DDC: variants seen among roughly 807,000 people sequenced by gnomAD.
DDC encodes aromatic-L-amino-acid decarboxylase.
In DDC, 43 loss-of-function variants were observed where a neutral mutation model predicts 60.0. That is an observed-to-expected ratio of 0.72 (90% CI 0.56 to 0.92). The LOEUF is 0.92. Ranked by LOEUF, DDC falls within the 40% of genes least tolerant of loss-of-function variation. The pLI is 0.00. For missense variants in DDC, 573 were observed against 620.2 expected (o/e 0.92, Z 0.81); for synonymous variants, 232 against 234.6 (o/e 0.99, Z 0.10).
At chr7:50,511,069 A>ACAC (rs2043561245) in intron 6 of DDC, among the ~76,000 whole-genome samples, 1 of 150,336 alleles carries the variant, frequency 6.7e-6, no homozygotes, top group Non-Finnish European at 1.5e-5. Context: ...ACACACACAC[A>ACAC]CACACACACA....
intron 9 of DDC, among the ~76,000 whole-genome samples, chr7:50,483,977 A>G (rs1406819971): frequency 6.6e-6 from 1 of 152,042 alleles, no homozygotes; most frequent in Non-Finnish European, 1.5e-5. Context: ...TTGTATTAAC[A>G]ATAAGATTTT....
chr7:50,477,022 C>A (rs760579215), intron 10 of DDC, among the ~76,000 whole-genome samples: 1 of 152,022 alleles, frequency 6.6e-6, no homozygotes, highest in Non-Finnish European at 1.5e-5. Context: ...TTGTGATATA[C>A]GGAGTGATTA....
chr7:50,546,548 T>G (rs1412287388), intron 1 of DDC, among the ~76,000 whole-genome samples: 1 of 152,216 alleles, frequency 6.6e-6, no homozygotes, highest in Non-Finnish European at 1.5e-5. Flanking sequence ...TTGGCTAAGC[T>G]CTTCCCCCTT....
At chr7:50,468,263 A>G (rs1229657561) in intron 12 of DDC, among the ~76,000 whole-genome samples, 1 of 152,258 alleles carries the variant, frequency 6.6e-6, no homozygotes, top group Non-Finnish European at 1.5e-5. Context: ...CCGCCCAAGG[A>G]GACAGGCTTT....
At chr7:50,543,824 G>A (rs2044713391) in intron 2 of DDC, 61 bp downstream of exon 2, 1 of 1,498,974 alleles carries the variant, frequency 6.7e-7, no homozygotes, top group Non-Finnish European at 9.3e-7. Context: ...ATTGCTCAGA[G>A]CCAAGTAGGT....
intron 9 of DDC, among the ~76,000 whole-genome samples, chr7:50,485,017 C>G (rs1017356003): frequency 2.0e-5 from 3 of 152,112 alleles, no homozygotes; most frequent in Non-Finnish European, 2.9e-5. Flanking sequence ...AATCAAGTCT[C>G]AACGATTACT....
chr7:50,461,889 G>T (rs1269485624), intron 14 of DDC, among the ~76,000 whole-genome samples: 6 of 152,194 alleles, frequency 3.9e-5, no homozygotes, highest in Admixed American at 3.9e-4. Context: ...GGTTGCACCA[G>T]GGAAAGGACC....
chr7:50,506,438 G>A (rs1328234819), intron 6 of DDC, among the ~76,000 whole-genome samples: 2 of 152,044 alleles, frequency 1.3e-5, no homozygotes, highest in African/African-American at 4.8e-5. Flanking sequence ...CACCAACCTG[G>A]CACATGTATA....
In DDC at chr7:50,544,190, G is replaced by C. The variant is rs11575288; in HGVS notation, c.-28-77C>G. 35,293 of 1,122,048 alleles carry C rather than the reference G, an allele frequency of 0.031. 1,078 individuals carry two copies. The highest frequency in any genetic ancestry group is 0.13 in the East Asian group (5,534 of 41,452). The allele number at this position is 1,122,048 out of a possible 1,614,324, so 69.5% of individuals were successfully genotyped here. On this transcript the variant is annotated intron_variant, in intron 1 of 14. Coordinates refer to ENST00000444124, the MANE Select transcript of DDC (RefSeq NM_001082971.2). Reference sequence around the variant, plus strand: ...AGGCGGGGATACCAAGCAAGCCGTGGGTAGGGACACCTGGGCAGTGACTGC... The same window carrying C: ...AGGCGGGGATACCAAGCAAGCCGTGCGTAGGGACACCTGGGCAGTGACTGC...
rs539618759 is a variant in DDC at position 50,471,818 on chromosome 7, C to A, written c.1042-1647G>T. Among the ~76,000 whole-genome samples, 276 of 152,236 alleles carry A rather than the reference C, an allele frequency of 1.8e-3. 2 individuals are homozygous for A. The highest frequency in any genetic ancestry group is 6.5e-3 in the African/African-American group (272 of 41,544). On this transcript the variant is annotated intron_variant, in intron 11 of 14. Transcript: ENST00000444124. The stretch of plus-strand genomic sequence containing the variant: ...TCTTTTGGGAAATCTAAAAGAAGAA[C>A]CCCTTATCCCACCACTAGCTGACTG...
At chr7:50,479,632 T>C (rs572004101) in intron 10 of DDC, among the ~76,000 whole-genome samples, 155 bp downstream of exon 10, 1 of 152,176 alleles carries the variant, frequency 6.6e-6, no homozygotes, top group South Asian at 2.1e-4. Context: ...GGGAGTGGGC[T>C]ACAAGGGCAA....
intron 4 of DDC, among the ~76,000 whole-genome samples, chr7:50,533,190 A>G (rs1162330839): frequency 6.6e-6 from 1 of 152,202 alleles, no homozygotes; most frequent in Non-Finnish European, 1.5e-5. Flanking sequence ...TTGTCTGTAT[A>G]CATATATTCA....
intron 9 of DDC, among the ~76,000 whole-genome samples, chr7:50,486,004 C>CG (rs2042872871): frequency 6.6e-6 from 1 of 152,148 alleles, no homozygotes; most frequent in Non-Finnish European, 1.5e-5. Flanking sequence ...TTTAATGTAA[C>CG]GGTGTCTAGA....
chr7:50,484,787 G>A (rs977274574), intron 9 of DDC, among the ~76,000 whole-genome samples: 9 of 152,120 alleles, frequency 5.9e-5, no homozygotes, highest in Admixed American at 2.6e-4. Context: ...ATCAGGAAAA[G>A]GACCCTTGTG....
In DDC at chr7:50,513,023, G is replaced by A. The variant is rs1006618303; in HGVS notation, c.715-8964C>T. ...TGCAGCACTGGACAGAGCAGCGTGT[G>A]GAGGCTCACATTTGTGAATTTTAGC... is the stretch of plus-strand genomic sequence containing the variant. On this transcript the variant is annotated intron_variant, in intron 6 of 14. Coordinates refer to ENST00000444124, the MANE Select transcript of DDC (RefSeq NM_001082971.2). Among the ~76,000 whole-genome samples the A allele has an allele frequency of 4.6e-5, 7 of 152,168 alleles. No individual in the cohort carries two copies. The South Asian group carries it at 6.2e-4, about 14-fold the overall frequency.
intron 6 of DDC, among the ~76,000 whole-genome samples, chr7:50,509,446 A>C (rs1198072693): frequency 6.6e-6 from 1 of 152,076 alleles, no homozygotes; most frequent in Non-Finnish European, 1.5e-5. Context: ...TGCACAGATA[A>C]ATCTCTCTCT....
At chr7:50,484,196 A>G (rs183255186) in intron 9 of DDC, among the ~76,000 whole-genome samples, 151 of 152,332 alleles carry the variant, frequency 9.9e-4, no homozygotes, top group Non-Finnish European at 1.7e-3. Context: ...CTATCTTTCC[A>G]GAGATCGTTT....
chr7:50,512,896 A>T (rs2043619405), intron 6 of DDC, among the ~76,000 whole-genome samples: 2 of 152,252 alleles, frequency 1.3e-5, no homozygotes, highest in Non-Finnish European at 2.9e-5. Flanking sequence ...GTCATCACAC[A>T]TACCCAGAAA....
At chr7:50,538,170 G>A (rs1039519314) in intron 3 of DDC, among the ~76,000 whole-genome samples, 191 bp from the exon 4 acceptor site, 1 of 152,074 alleles carries the variant, frequency 6.6e-6, no homozygotes, top group East Asian at 1.9e-4. Context: ...GGAACATACG[G>A]GCCACCATAA....
Sources: allele counts gnomAD v4.1 joint callset (sites outside exome capture counted in the v4.1 genomes callset), GRCh38; gene constraint gnomAD v4.1.1; transcripts MANE v1.5; gene names NCBI Gene and HGNC (gene_info 2026-07-23, HGNC 2026-07-21).